BCL2: variants seen among roughly 807,000 people sequenced by gnomAD.
BCL2 encodes BCL2 apoptosis regulator.
Under a neutral mutation model 14.2 loss-of-function variants are expected in BCL2, and 1 was observed. The ratio of observed to expected loss-of-function variants is 0.07; its 90% CI spans 0.02 to 0.33. The LOEUF is 0.33. Ranked by LOEUF, BCL2 falls within the 10% of genes least tolerant of loss-of-function variation. The pLI, the probability that BCL2 is intolerant of heterozygous loss-of-function variation, is 0.99. For synonymous variants in BCL2, 151 were observed against 137.2 expected (o/e 1.10, Z -0.70); for missense variants, 247 against 305.9 (o/e 0.81, Z 1.44).
chr18:63,201,927 T>C (rs899345903), intron 2 of BCL2, among the ~76,000 whole-genome samples: 6 of 152,144 alleles, frequency 3.9e-5, no homozygotes, highest in East Asian at 1.9e-4. Flanking sequence ...TGTATACCTA[T>C]GTAAGAAGCC....
chr18:63,173,915 A>G (rs1915288648), intron 2 of BCL2, among the ~76,000 whole-genome samples: 2 of 152,218 alleles, frequency 1.3e-5, no homozygotes, highest in Admixed American at 6.5e-5. Flanking sequence ...TTAAGTGAGA[A>G]AAACATAATA....
chr18:63,164,773 G>A (rs1332575278), intron 2 of BCL2, among the ~76,000 whole-genome samples: 4 of 152,220 alleles, frequency 2.6e-5, no homozygotes, highest in Non-Finnish European at 4.4e-5. Context: ...GCCATGGCAA[G>A]AAAGCACAGT....
At chr18:63,296,667 ACACTT>A (rs1240173488) in intron 2 of BCL2, among the ~76,000 whole-genome samples, 1 of 152,158 alleles carries the variant, frequency 6.6e-6, no homozygotes, top group Non-Finnish European at 1.5e-5. Context: ...GTGACCTCTT[ACACTT>A]CAGTATGCTC....
upstream of BCL2, chr18:63,319,979 G>C (rs1461418189): frequency 6.5e-6 from 1 of 153,376 alleles, no homozygotes; most frequent in Non-Finnish European, 1.4e-5. Flanking sequence ...CGCGCAGCCC[G>C]CTCCGAGCGC....
At chr18:63,137,279 C>T (rs1014629752) in intron 2 of BCL2, among the ~76,000 whole-genome samples, 1 of 152,200 alleles carries the variant, frequency 6.6e-6, no homozygotes, top group Non-Finnish European at 1.5e-5. Context: ...TCGGCTGTTC[C>T]CTGTTCACAG....
intron 2 of BCL2, among the ~76,000 whole-genome samples, chr18:63,166,909 G>T (rs772504431): frequency 2.0e-5 from 3 of 152,100 alleles, no homozygotes; most frequent in Non-Finnish European, 4.4e-5. Context: ...GCACTGACCA[G>T]GTGCTAGGCA....
At chr18:63,289,418 A>C (rs1018007133) in intron 2 of BCL2, among the ~76,000 whole-genome samples, 1 of 152,190 alleles carries the variant, frequency 6.6e-6, no homozygotes, top group Non-Finnish European at 1.5e-5. Flanking sequence ...ATACTCTGGG[A>C]TGTAAAAACA....
chr18:63,148,107 G>A lies in BCL2; in HGVS notation c.586-19348C>T, dbSNP rs147334114. Among the ~76,000 whole-genome samples, 333 of 152,102 alleles carry A rather than the reference G, an allele frequency of 2.2e-3. 1 individual carries two copies. Among genetic ancestry groups the A allele is most frequent in the African/African-American group, 7.3e-3 (304 of 41,466 alleles). On this transcript the variant is annotated intron_variant, in intron 2 of 2. Coordinates refer to ENST00000333681, the MANE Select transcript of BCL2 (RefSeq NM_000633.3). ...GAAGATTGTTGAACTGCGCTTCCCC[G>A]CTCCCCCCCATTTCAGATAACTCAA...
rs558806558 is a variant in BCL2 at position 63,136,884 on chromosome 18, G to A, written c.586-8125C>T. Among the ~76,000 whole-genome samples the A allele has an allele frequency of 7.9e-5, 12 of 152,350 alleles. No homozygotes were observed. The South Asian group carries it at 2.3e-3, about 29-fold the overall frequency. On this transcript the variant is annotated intron_variant, in intron 2 of 2. Transcript: ENST00000333681. ...TCTCTTATAGCTGGAGGTGAAGTTA[G>A]TGAGCACTGAAGTGGTAAAGGCCAG... is the stretch of plus-strand genomic sequence containing the variant.
intron 2 of BCL2, among the ~76,000 whole-genome samples, chr18:63,228,795 G>A (rs1337445828): frequency 2.6e-5 from 4 of 151,678 alleles, no homozygotes; most frequent in South Asian, 2.1e-4. Context: ...TGCAACCTCC[G>A]CCTCCCGGGC....
rs986496534 is a variant in BCL2, at chr18:63,319,481, C to G, written c.-594G>C. On this transcript the variant is annotated 5_prime_UTR_variant, in exon 1 of 3. Coordinates refer to ENST00000333681, the MANE Select transcript of BCL2 (RefSeq NM_000633.3). ...ATTACAATTTTCAGTCCGGTATTCG[C>G]AGAAGTCCTGTGATGTTTTCCCCTT... The G allele has an allele frequency of 4.4e-6, 1 of 229,122 alleles. No homozygotes were observed. The highest frequency in any genetic ancestry group is 2.2e-5 in the African/African-American group (1 of 45,026). The allele number at this position is 229,122 out of a possible 1,614,324, so 14.2% of individuals were successfully genotyped here.
intron 2 of BCL2, among the ~76,000 whole-genome samples, chr18:63,157,222 C>T (rs1599214454): frequency 6.6e-6 from 1 of 152,326 alleles, no homozygotes; most frequent in East Asian, 1.9e-4. Context: ...AAATCAAGGA[C>T]ACTGAGTCCC....
intron 2 of BCL2, among the ~76,000 whole-genome samples, chr18:63,145,372 G>A (rs1346002991): frequency 8.2e-6 from 1 of 121,936 alleles, no homozygotes; most frequent in Non-Finnish European, 1.6e-5. Context: ...CTGGCCACTC[G>A]CCCCACTGCC....
intron 2 of BCL2, among the ~76,000 whole-genome samples, chr18:63,312,105 T>C (rs1486281793): frequency 1.3e-5 from 2 of 152,216 alleles, no homozygotes; most frequent in Admixed American, 6.5e-5. Flanking sequence ...CTGCAGCAAG[T>C]TTGGGGTGAG....
chr18:63,309,518 G>C (rs1018625580), intron 2 of BCL2, among the ~76,000 whole-genome samples: 1 of 151,998 alleles, frequency 6.6e-6, no homozygotes, highest in South Asian at 2.1e-4. Flanking sequence ...CCTCACATTC[G>C]ACCTGCTGTC....
intron 2 of BCL2, among the ~76,000 whole-genome samples, chr18:63,179,646 CAT>C (rs1329786530): frequency 1.3e-5 from 2 of 152,160 alleles, no homozygotes; most frequent in Non-Finnish European, 2.9e-5. Context: ...GGGGAGGGAG[CAT>C]ATCTCAGCAA....
chr18:63,178,927 G>A (rs1915414891), intron 2 of BCL2, among the ~76,000 whole-genome samples: 1 of 148,942 alleles, frequency 6.7e-6, no homozygotes, highest in Admixed American at 6.7e-5. Context: ...GTCAGTTGAA[G>A]TGAGTTTATG....
At chr18:63,165,479 C>T (rs1568220860) in intron 2 of BCL2, among the ~76,000 whole-genome samples, 1 of 152,214 alleles carries the variant, frequency 6.6e-6, no homozygotes, top group Non-Finnish European at 1.5e-5. Flanking sequence ...GTGTTTATCC[C>T]TCCAACCACA....
At chr18:63,242,582 G>C (rs1351422487) in intron 2 of BCL2, among the ~76,000 whole-genome samples, 1 of 152,046 alleles carries the variant, frequency 6.6e-6, no homozygotes, top group East Asian at 1.9e-4. Context: ...TCTGTTTATT[G>C]AATTTCCTCC....
Sources: allele counts gnomAD v4.1 joint callset (sites outside exome capture counted in the v4.1 genomes callset), GRCh38; gene constraint gnomAD v4.1.1; transcripts MANE v1.5; gene names NCBI Gene and HGNC (gene_info 2026-07-23, HGNC 2026-07-21).